PALM: variants seen among roughly 807,000 people sequenced by gnomAD.
PALM encodes the protein paralemmin-1.
In PALM, 18 loss-of-function variants were observed where a neutral mutation model predicts 30.7. The observed-to-expected ratio is 0.59, with a 90% CI of 0.41 to 0.87. The LOEUF is 0.87. Ranked by LOEUF, PALM falls within the 40% of genes least tolerant of loss-of-function variation. PALM has a pLI of 0.00. For synonymous variants in PALM, 286 were observed against 242.8 expected, an observed-to-expected ratio of 1.18 and a Z score of -1.66; for missense variants, 529 against 555.4, an observed-to-expected ratio of 0.95 and a Z score of 0.48.
intron 1 of PALM, among the ~76,000 whole-genome samples, chr19:720,816 C>G (rs981742146): frequency 2.6e-5 from 4 of 152,296 alleles, no homozygotes; most frequent in Admixed American, 2.0e-4. Context: ...ACACTCTGTC[C>G]CCGGGTCCGG....
intron 1 of PALM, among the ~76,000 whole-genome samples, chr19:710,693 G>A (rs11085180): frequency 1.1e-4 from 1 of 9,328 alleles, no homozygotes; most frequent in Non-Finnish European, 1.5e-4. Context: ...ACCTGGGGCC[G>A]GGGGGCCTCG....
chr19:731,162 G>GCGGCCCCGAGCCCAGTCCGGGCCC lies in PALM; in HGVS notation c.339_362dup (p.Val118_Pro125dup). The GCGGCCCCGAGCCCAGTCCGGGCCC allele has an allele frequency of 3.7e-6, 6 of 1,609,322 alleles. No individual in the cohort carries two copies. Among genetic ancestry groups the GCGGCCCCGAGCCCAGTCCGGGCCC allele is most frequent in the Non-Finnish European group, 5.1e-6 (6 of 1,178,394 alleles). ...CCCAGCCACTGCCAAGGAGAACGCG[G>GCGGCCCCGAGCCCAGTCCGGGCCC]CGGCCCCGAGCCCAGTCCGGGCCCC... On this transcript the variant is annotated inframe_insertion, in exon 5 of 9. Coordinates refer to ENST00000338448, the MANE Select transcript of PALM (RefSeq NM_002579.3).
At chr19:720,798 A>T (rs1226217829) in intron 1 of PALM, among the ~76,000 whole-genome samples, 1 of 152,092 alleles carries the variant, frequency 6.6e-6, no homozygotes, top group African/African-American at 2.4e-5. Flanking sequence ...GGAGGCGGCC[A>T]CACAGCCACA....
rs758121805 is a variant in PALM at position 726,186 on chromosome 19, C to T, written c.54C>T (p.Ile18=). The T allele has an allele frequency of 5.6e-6, 9 of 1,612,848 alleles. No homozygotes were observed. Among genetic ancestry groups the T allele is most frequent in the East Asian group, 4.5e-5 (2 of 44,880 alleles). The part of the protein sequence containing the change: ...TTSQQERLQA[I]AEKRKRQAEI... Reference sequence around the variant, plus strand: ...CCCAGCAGGAGCGGCTGCAGGCCATCGCAGTGAGTTTCCGCCGCCCCGCAG... The same window carrying T: ...CCCAGCAGGAGCGGCTGCAGGCCATTGCAGTGAGTTTCCGCCGCCCCGCAG... The change falls in exon 2 of 9, where the codon ATC becomes ATT. Residue 18 remains isoleucine (I), a synonymous_variant. Transcript: ENST00000338448.
chr19:739,616 G>C (rs2033126774), intron 7 of PALM, among the ~76,000 whole-genome samples: 1 of 152,134 alleles, frequency 6.6e-6, no homozygotes, highest in African/African-American at 2.4e-5. Context: ...GGAAGGTCAT[G>C]ACTGCAGTGA....
intron 5 of PALM, among the ~76,000 whole-genome samples, chr19:732,818 C>G (rs541652364): frequency 6.6e-6 from 1 of 152,014 alleles, no homozygotes; most frequent in Non-Finnish European, 1.5e-5. Flanking sequence ...AAGCCCAGGG[C>G]GCTGTGGAAT....
chr19:740,275 C>A (rs192330071), intron 7 of PALM, 77 bp from the exon 8 acceptor site: 33,541 of 1,432,516 alleles, frequency 0.023, 496 homozygotes, highest in Non-Finnish European at 0.027. Flanking sequence ...GCTCCCCCCT[C>A]CCTGGCTTGG....
intron 4 of PALM, among the ~76,000 whole-genome samples, chr19:729,391 G>A (rs893015474): frequency 2.0e-5 from 3 of 150,214 alleles, no homozygotes; most frequent in African/African-American, 7.3e-5. Flanking sequence ...TGAGCCGAGT[G>A]TTACCCACTC....
intron 7 of PALM, among the ~76,000 whole-genome samples, chr19:739,998 G>T (rs74686031): frequency 0.07 from 10,683 of 152,106 alleles, 499 homozygotes; most frequent in Non-Finnish European, 0.1. Flanking sequence ...AACAATGAAG[G>T]CTTTCCAGAT....
At position 711,279 on chromosome 19, in the gene PALM, C is replaced by T. The variant is rs1250401050; in HGVS notation, c.5+2128C>T. 4.5e-6 allele frequency: 3 copies of T among 664,460 alleles called. 1 individual carries two copies. The highest frequency in any genetic ancestry group is 1.3e-4 in the South Asian group (2 of 14,886). The allele number at this position is 664,460 out of a possible 1,614,324, so 41.2% of individuals were successfully genotyped here. The stretch of plus-strand genomic sequence containing the variant: ...CTGTGCTCTGGGAGGGTTTGTGTGG[C>T]CCCTGCGTGACACATGGTCTGGCTG... On this transcript the variant is annotated intron_variant, in intron 1 of 8. Coordinates refer to ENST00000338448, the MANE Select transcript of PALM (RefSeq NM_002579.3).
chr19:728,530 G>A (rs1203597482), intron 4 of PALM, among the ~76,000 whole-genome samples: 2 of 152,180 alleles, frequency 1.3e-5, no homozygotes, highest in African/African-American at 2.4e-5. Context: ...TGGACAGGCC[G>A]GGTGCGGTGG....
At position 741,476 on chromosome 19, in the gene PALM, G is replaced by A. The variant is rs1273013060; in HGVS notation, c.634+993G>A. Reference sequence around the variant, plus strand: ...GGGCTGCAGGGGTGAGGGGAGACGGGCTGCAGGGGTGAGGGGAGCTGGGCT... The same window carrying A: ...GGGCTGCAGGGGTGAGGGGAGACGGACTGCAGGGGTGAGGGGAGCTGGGCT... On this transcript the variant is annotated intron_variant, in intron 8 of 8. Coordinates refer to ENST00000338448, the MANE Select transcript of PALM (RefSeq NM_002579.3). Among the ~76,000 whole-genome samples the A allele has an allele frequency of 5.5e-5, 8 of 144,682 alleles. 1 individual carries two copies. The allele number at this position is 144,682 out of a possible 152,430, so 94.9% of individuals were successfully genotyped here.
intron 1 of PALM, among the ~76,000 whole-genome samples, chr19:716,794 A>G (rs1478618941): frequency 6.6e-6 from 1 of 152,172 alleles, no homozygotes; most frequent in Non-Finnish European, 1.5e-5. Context: ...ATGCACGTAT[A>G]CACACACGTA....
At position 746,691 on chromosome 19, in the gene PALM, T is replaced by G; in HGVS notation, c.1041T>G (p.Ala347=). The G allele has an allele frequency of 6.2e-7, 1 of 1,610,016 alleles. No individual in the cohort carries two copies. Among genetic ancestry groups the G allele is most frequent in the Non-Finnish European group, 8.5e-7 (1 of 1,178,860 alleles). The change falls in exon 9 of 9, where the codon GCT becomes GCG. Residue 347 remains alanine (A), a synonymous_variant. Coordinates refer to ENST00000338448, the MANE Select transcript of PALM (RefSeq NM_002579.3). This position sits in a 1 kb window ranked among gnomAD's most constrained non-coding sequence, Gnocchi z 7.1. The part of the protein sequence containing the change: ...PKEPAPPNGS[A]AEPPTEAASR... The stretch of plus-strand genomic sequence containing the variant: ...AGCCTGCACCACCCAACGGCAGTGC[T>G]GCCGAGCCTCCCACGGAGGCCGCCT...
chr19:738,730 G>T (rs1050569512), intron 7 of PALM, among the ~76,000 whole-genome samples: 3 of 152,176 alleles, frequency 2.0e-5, no homozygotes, highest in Non-Finnish European at 1.5e-5. Context: ...GGTCCCCGGC[G>T]CAGAGCAGAG....
At chr19:733,487 G>C (rs1032637259) in intron 5 of PALM, among the ~76,000 whole-genome samples, 1 of 152,196 alleles carries the variant, frequency 6.6e-6, no homozygotes, top group African/African-American at 2.4e-5. Flanking sequence ...AGAGGGGCCT[G>C]TGTGCAGGGT....
chr19:740,696 C>T (rs1000133440), intron 8 of PALM, among the ~76,000 whole-genome samples: 4 of 152,216 alleles, frequency 2.6e-5, no homozygotes, highest in Non-Finnish European at 5.9e-5. Context: ...ATCATTCATC[C>T]ACTCCAGAAA....
chr19:720,062 G>A (rs9676721), intron 1 of PALM, among the ~76,000 whole-genome samples: 12 of 151,750 alleles, frequency 7.9e-5, no homozygotes, highest in Non-Finnish European at 1.2e-4. Context: ...GCCCAGACGG[G>A]GACCCCCCTC....
intron 1 of PALM, among the ~76,000 whole-genome samples, chr19:710,651 G>GCCCCCCCCCTCCCCC (rs2032045523): frequency 8.8e-6 from 1 of 114,168 alleles, no homozygotes; most frequent in Non-Finnish European, 1.8e-5. Context: ...AGGAGCTGCT[G>GCCCCCCCCCTCCCCC]CCCCCCCCCC....
Sources: gnomAD v4.1 joint callset for allele counts (sites outside exome capture counted in the v4.1 genomes callset) on GRCh38, gnomAD v4.1.1 for gene constraint, Gnocchi (gnomAD v3.1) non-coding constraint, MANE v1.5 for transcripts, NCBI Gene and HGNC (gene_info 2026-07-23, HGNC 2026-07-21) for gene names.